C17orf50: variants seen among roughly 807,000 people sequenced by gnomAD.
The protein encoded by C17orf50 is uncharacterized protein C17orf50.
C17orf50 carries 16 observed loss-of-function variants against 17.7 expected under a neutral mutation model. That is an observed-to-expected ratio of 0.90 (90% confidence interval 0.61 to 1.37). The LOEUF is 1.37. Ranked by LOEUF, C17orf50 falls within the 40% of genes most tolerant of loss-of-function variation. C17orf50 has a pLI of 0.00. For missense variants in C17orf50, 271 were observed against 240.7 expected, an observed-to-expected ratio of 1.13 and a Z score of -0.83; for synonymous variants, 125 against 111.0, an observed-to-expected ratio of 1.13 and a Z score of -0.80.
At chr17:35,763,377 G>T (rs1203777773) in intron 1 of C17orf50, among the ~76,000 whole-genome samples, 1 of 150,694 alleles carries the variant, frequency 6.6e-6, no homozygotes. Context: ...CCCTAGCTCA[G>T]CTTCCTCTCA....
intron 1 of C17orf50, among the ~76,000 whole-genome samples, chr17:35,763,284 T>G (rs1555601860): frequency 6.6e-6 from 1 of 151,880 alleles, no homozygotes. Context: ...AAAAAATCTT[T>G]TTTAATTGTG....
chr17:35,761,540 A>T (rs2085821053), intron 1 of C17orf50, among the ~76,000 whole-genome samples: 1 of 151,992 alleles, frequency 6.6e-6, no homozygotes, highest in South Asian at 2.1e-4. Context: ...TGGCCTCCCA[A>T]AGTGCTGGGA....
Position 35,764,351 on chromosome 17 carries a change from C to T in C17orf50, c.332+26C>T, listed in dbSNP as rs1555602252. The stretch of plus-strand genomic sequence containing the variant: ...GTGCCTGCGCGCTCCTCGACCGGGG[C>T]ACGAGGGAGGCGGTGCCCGGGCCCC... On this transcript the variant is annotated intron_variant, in intron 2 of 2. Coordinates refer to ENST00000605587, the MANE Select transcript of C17orf50 (RefSeq NM_145272.4). 3.4e-6 allele frequency: 5 copies of T among 1,457,368 alleles called. No homozygotes were observed. In the South Asian group the frequency reaches 5.7e-5, roughly 17 times the overall value. The allele number at this position is 1,457,368 out of a possible 1,614,324, so 90.3% of individuals were successfully genotyped here. A position where few individuals can be genotyped will look rare whatever the true frequency, so the allele number is the denominator to read the frequency against.
At position 35,764,558 on chromosome 17, in the gene C17orf50, G is replaced by A. The variant is rs2085897096; in HGVS notation, c.465G>A (p.Val155=). The part of the protein sequence containing the change: ...CRSLHSHPAY[V]AHCVLDHPDL... ...GTCTGCACAGCCACCCAGCCTATGTGGCGCACTGCGTTCTGGATCACCCGG... is the reference window on the plus strand; with the variant it reads ...GTCTGCACAGCCACCCAGCCTATGTAGCGCACTGCGTTCTGGATCACCCGG... Residue 155 remains valine, a synonymous_variant, in exon 3 of 3, where the codon GTG becomes GTA. Transcript: ENST00000605587. 1 of 1,596,006 alleles carries A rather than the reference G, an allele frequency of 6.3e-7. No individual in the cohort carries two copies. The highest frequency in any genetic ancestry group is 8.5e-7 in the Non-Finnish European group (1 of 1,173,936).
chr17:35,762,703 A>T (rs1432247119), intron 1 of C17orf50, among the ~76,000 whole-genome samples: 1 of 152,006 alleles, frequency 6.6e-6, no homozygotes, highest in Non-Finnish European at 1.5e-5. Flanking sequence ...AATCATACAG[A>T]GGTGCTGTAA....
chr17:35,762,388 A>G (rs2085837691), intron 1 of C17orf50, among the ~76,000 whole-genome samples: 1 of 152,148 alleles, frequency 6.6e-6, no homozygotes, highest in South Asian at 2.1e-4. Flanking sequence ...TCCAGATGTG[A>G]CAGACACAGG....
At chr17:35,761,837 C>T (rs587646892) in intron 1 of C17orf50, among the ~76,000 whole-genome samples, 98 of 152,294 alleles carry the variant, frequency 6.4e-4, no homozygotes, top group African/African-American at 2.2e-3. Flanking sequence ...TTTCCTCCTC[C>T]CCTTCCTCTT....
chr17:35,763,928 A>ATAAAT (rs2085877473), intron 1 of C17orf50, 79 bp from the exon 2 acceptor site: 1 of 1,015,924 alleles, frequency 9.8e-7, no homozygotes. Context: ...AAATAAATAA[A>ATAAAT]TAAATAAATA....
In C17orf50 at chr17:35,764,142, G is replaced by T. The variant is rs1555602143; in HGVS notation, c.149G>T (p.Gly50Val). The T allele has an allele frequency of 1.3e-6, 2 of 1,549,374 alleles. No individual in the cohort carries two copies. The highest frequency in any genetic ancestry group is 2.4e-5 in the South Asian group (2 of 83,976). Reference sequence around the variant, plus strand: ...CCGCTGGAGGACAGCGCGACGGAGGGCGAGGAGCCGCCGCGGGTAGCGGAG... The same window carrying T: ...CCGCTGGAGGACAGCGCGACGGAGGTCGAGGAGCCGCCGCGGGTAGCGGAG... ...QRPLEDSATE[G>V]EEPPRVAEEG... The change falls in exon 2 of 3, where the codon GGC (glycine) becomes GTC (valine). Residue 50 changes from glycine to valine, a missense_variant. Coordinates refer to ENST00000605587, the MANE Select transcript of C17orf50 (RefSeq NM_145272.4).
At chr17:35,763,464 G>A (rs2085865737) in intron 1 of C17orf50, among the ~76,000 whole-genome samples, 1 of 133,568 alleles carries the variant, frequency 7.5e-6, no homozygotes. Context: ...TTTTTTTGGA[G>A]CGAAATAAAA....
chr17:35,764,373 C>T (rs782060058), intron 2 of C17orf50, 48 bp downstream of exon 2: 2 of 1,457,602 alleles, frequency 1.4e-6, no homozygotes, highest in Non-Finnish European at 1.8e-6. Context: ...GGTGCCCGGG[C>T]CCCAGGGAGG....
At chr17:35,762,882 T>C (rs1555601757) in intron 1 of C17orf50, among the ~76,000 whole-genome samples, 1 of 152,010 alleles carries the variant, frequency 6.6e-6, no homozygotes, top group Non-Finnish European at 1.5e-5. Context: ...TCCTAGCACT[T>C]TGGGAGGCCG....
At chr17:35,763,108 C>T (rs1263442210) in intron 1 of C17orf50, among the ~76,000 whole-genome samples, 3 of 141,420 alleles carry the variant, frequency 2.1e-5, no homozygotes, top group Non-Finnish European at 4.5e-5. Flanking sequence ...GGCGACAGAG[C>T]GAGACTCCGT....
chr17:35,763,570 G>A (rs1329448532), intron 1 of C17orf50, among the ~76,000 whole-genome samples: 2 of 150,896 alleles, frequency 1.3e-5, no homozygotes, highest in Non-Finnish European at 2.9e-5. Context: ...ACAGGCGTGA[G>A]CCACCATGCC....
intron 1 of C17orf50, among the ~76,000 whole-genome samples, chr17:35,762,595 C>G (rs2085842307): frequency 6.6e-6 from 1 of 152,122 alleles, no homozygotes; most frequent in South Asian, 2.1e-4. Context: ...GAGGAAGCGT[C>G]TTTTCCTAAT....
In C17orf50 at chr17:35,764,586, C is replaced by T; in HGVS notation, c.493C>T (p.Leu165=). ...VAHCVLDHPD[L]GKAGAAGNS is the part of the protein sequence containing the mutation. ...GCACTGCGTTCTGGATCACCCGGAT[C>T]TGGGTAAGGCGGGGGCCGCTGGGAA... The change falls in exon 3 of 3, where the codon CTG becomes TTG. Residue 165 remains leucine (L), a synonymous_variant. Coordinates refer to ENST00000605587, the MANE Select transcript of C17orf50 (RefSeq NM_145272.4). 6.3e-7 allele frequency: 1 copy of T among 1,592,086 alleles called. No homozygotes were observed. The highest frequency in any genetic ancestry group is 1.1e-5 in the South Asian group (1 of 88,630).
At chr17:35,763,593 A>AT (rs2085868631) in intron 1 of C17orf50, among the ~76,000 whole-genome samples, 1 of 151,126 alleles carries the variant, frequency 6.6e-6, no homozygotes, top group East Asian at 2.0e-4. Flanking sequence ...GACTTAAAAA[A>AT]TTTTTTTGAA....
chr17:35,762,013 G>A (rs587726479), intron 1 of C17orf50, among the ~76,000 whole-genome samples: 34 of 151,782 alleles, frequency 2.2e-4, no homozygotes, highest in African/African-American at 2.4e-5. Context: ...TTTTTGAGAC[G>A]GAGTTTTGCT....
chr17:35,764,557 T>C lies in C17orf50; in HGVS notation c.464T>C (p.Val155Ala). The C allele has an allele frequency of 6.3e-7, 1 of 1,596,232 alleles. No homozygotes were observed. Among genetic ancestry groups the C allele is most frequent in the Non-Finnish European group, 8.5e-7 (1 of 1,174,014 alleles). ...AGTCTGCACAGCCACCCAGCCTATG[T>C]GGCGCACTGCGTTCTGGATCACCCG... Reference protein sequence around the residue: ...CRSLHSHPAYVAHCVLDHPDL... With the variant: ...CRSLHSHPAYAAHCVLDHPDL... Residue 155 changes from valine to alanine, a missense_variant, in exon 3 of 3, where the codon GTG becomes GCG. Transcript: ENST00000605587.
Sources: gnomAD v4.1 joint callset for allele counts (sites outside exome capture counted in the v4.1 genomes callset) on GRCh38, gnomAD v4.1.1 for gene constraint, MANE v1.5 for transcripts, NCBI Gene and HGNC (gene_info 2026-07-23, HGNC 2026-07-21) for gene names.